BIRC6: variants seen among roughly 807,000 people sequenced by gnomAD.
BIRC6 encodes baculoviral IAP repeat containing 6.
A neutral mutation model predicts 503.3 loss-of-function variants in BIRC6; 98 were observed. The observed-to-expected ratio is 0.19, with a 90% CI of 0.17 to 0.23. The LOEUF (loss-of-function observed/expected upper bound fraction) is 0.23, where lower values mean the gene tolerates loss of function less well. Among genes scored for constraint, BIRC6 ranks in the 10% least tolerant of loss-of-function variants. The pLI, the probability that BIRC6 is intolerant of heterozygous loss-of-function variation, is 1.00. For synonymous variants in BIRC6, 2,240 were observed against 2,078.7 expected (o/e 1.08, Z -2.11); for missense variants, 5,360 against 5,806.0 (o/e 0.92, Z 2.50).
rs1292409065 is a variant in BIRC6 at position 32,543,317 on chromosome 2, A to G, written c.12368A>G (p.Glu4123Gly). Residue 4123 changes from glutamate to glycine, a missense_variant, in exon 62 of 74, where the codon GAA becomes GGA. Coordinates refer to ENST00000421745, the MANE Select transcript of BIRC6 (RefSeq NM_016252.4). ...DSDQFEWVTI[E>G]QSGELVYEAP... ...GATCAGTTTGAATGGGTGACCATTGAACAGTCAGGGGAGTTAGTTTATGAA... is the reference window on the plus strand; with the variant it reads ...GATCAGTTTGAATGGGTGACCATTGGACAGTCAGGGGAGTTAGTTTATGAA... 7.4e-6 allele frequency: 12 copies of G among 1,614,028 alleles called. No individual in the cohort carries two copies. Among genetic ancestry groups the G allele is most frequent in the Non-Finnish European group, 1.0e-5 (12 of 1,179,890 alleles).
chr2:32,402,378 T>C (rs1265822397), intron 8 of BIRC6, among the ~76,000 whole-genome samples: 1 of 152,222 alleles, frequency 6.6e-6, no homozygotes, highest in African/African-American at 2.4e-5. Context: ...GATGTCTTGA[T>C]AGACTGAGAA....
chr2:32,438,661 G>A lies in BIRC6; in HGVS notation c.3632-847G>A, dbSNP rs185967362. Among the ~76,000 whole-genome samples the A allele has an allele frequency of 7.4e-3, 1,102 of 149,812 alleles. 7 individuals carry two copies. The highest frequency in any genetic ancestry group is 0.014 in the Middle Eastern group (4 of 290). On this transcript the variant is annotated intron_variant, in intron 15 of 73. Transcript: ENST00000421745. Reference sequence around the variant, plus strand: ...GGCAAGCTCCGCCTCCTGGGTTCACGCCATTCTCCTGCCTCAGCCTCCTGA... The same window carrying A: ...GGCAAGCTCCGCCTCCTGGGTTCACACCATTCTCCTGCCTCAGCCTCCTGA...
chr2:32,545,406 C>CG (rs1349690685), intron 62 of BIRC6, among the ~76,000 whole-genome samples: 1 of 152,238 alleles, frequency 6.6e-6, no homozygotes, highest in East Asian at 1.9e-4. Flanking sequence ...TATGATCATA[C>CG]ATATGTTTCC....
intron 54 of BIRC6, among the ~76,000 whole-genome samples, chr2:32,513,589 C>T: frequency 6.6e-6 from 1 of 152,028 alleles, no homozygotes; most frequent in Non-Finnish European, 1.5e-5. Flanking sequence ...GCTTGGGCAA[C>T]ATGCAAAACG....
chr2:32,597,936 C>T lies in BIRC6; in HGVS notation c.13798C>T (p.Arg4600Cys), dbSNP rs773885941. Reference protein sequence around the residue: ...PLSSSSSVFVRCDEERLDIMK... With the variant: ...PLSSSSSVFVCCDEERLDIMK... ...GTCTTCATCCTCTAGTGTGTTTGTA[C>T]GCTGTGATGAGGAGCGACTTGATAT... Residue 4600 changes from arginine to cysteine, a missense_variant, in exon 69 of 74, where the codon CGC becomes TGC. Around this residue, in one of 16 missense-constraint regions of BIRC6, gnomAD observed 66 missense variants for 113.2 expected, o/e 0.58. Transcript: ENST00000421745. 3.4e-5 allele frequency: 55 copies of T among 1,612,932 alleles called. No homozygotes were observed. Among genetic ancestry groups the T allele is most frequent in the East Asian group, 1.3e-4 (6 of 44,874 alleles).
intron 16 of BIRC6, among the ~76,000 whole-genome samples, chr2:32,440,469 G>A (rs2045287620): frequency 6.6e-6 from 1 of 151,964 alleles, no homozygotes; most frequent in Non-Finnish European, 1.5e-5. Context: ...GACTTATCTT[G>A]GATTTCCTGG....
Position 32,468,920 on chromosome 2 carries a change from CTT to C in BIRC6, c.6127+139_6127+140del, listed in dbSNP as rs1382837928. 3.5e-5 allele frequency: 23 copies of C among 666,054 alleles called. No homozygotes were observed. In the East Asian group the frequency reaches 4.2e-4, roughly 12 times the overall value. The allele number at this position is 666,054 out of a possible 1,614,324, so 41.3% of individuals were successfully genotyped here. On this transcript the variant is annotated intron_variant, in intron 29 of 73. Coordinates refer to ENST00000421745, the MANE Select transcript of BIRC6 (RefSeq NM_016252.4). ...AAATGTCAGTATTTATGAAATGTCT[CTT>C]TAGGTTAATCTATTTCTCCCTGTTA...
intron 35 of BIRC6, 150 bp downstream of exon 35, chr2:32,477,733 T>TAAAAA: frequency 8.5e-6 from 1 of 118,178 alleles, no homozygotes; most frequent in South Asian, 5.5e-4. Context: ...ACCCCGTCTC[T>TAAAAA]ACAAAAAAAA....
chr2:32,379,154 A>G (rs2037258773), intron 2 of BIRC6: 1 of 152,198 alleles, frequency 6.6e-6, no homozygotes, highest in Non-Finnish European at 1.5e-5. Context: ...AGTTCCAAAA[A>G]CAGAGAAGCT....
intron 23 of BIRC6, among the ~76,000 whole-genome samples, chr2:32,461,042 CTTCTCTTCTCTTCTCTTCTCTTCTG>C (rs1485048269): frequency 1.3e-3 from 102 of 76,294 alleles, no homozygotes; most frequent in African/African-American, 1.4e-3. Flanking sequence ...CTTCTCTTCT[CTTCTCTTCTCTTCTCTTCTCTTCTG>C]TTCTCCTCTC....
chr2:32,529,635 A>T lies in BIRC6; in HGVS notation c.11921-16A>T, dbSNP rs774446196. 6.5e-7 allele frequency: 1 copy of T among 1,549,954 alleles called. No individual in the cohort carries two copies. The highest frequency in any genetic ancestry group is 1.2e-5 in the South Asian group (1 of 80,572). On this transcript the variant is annotated splice_polypyrimidine_tract_variant and intron_variant, in intron 59 of 73. Transcript: ENST00000421745. Reference sequence around the variant, plus strand: ...CTTTCTCGGTTTCCAGATTTAACTTAGTTATATCATTTTAGGCCAGCCATT... The same window carrying T: ...CTTTCTCGGTTTCCAGATTTAACTTTGTTATATCATTTTAGGCCAGCCATT...
At chr2:32,463,833 C>A (rs1233464880) in intron 24 of BIRC6, among the ~76,000 whole-genome samples, 1 of 152,182 alleles carries the variant, frequency 6.6e-6, no homozygotes, top group African/African-American at 2.4e-5. Flanking sequence ...CAATAAATAG[C>A]CTTTCAGGAA....
Position 32,524,907 on chromosome 2 carries a change from T to C in BIRC6, c.11643T>C (p.Ala3881=), listed in dbSNP as rs1387314601. The C allele has an allele frequency of 6.7e-7, 1 of 1,495,672 alleles. No individual in the cohort carries two copies. Among genetic ancestry groups the C allele is most frequent in the Admixed American group, 2.3e-5 (1 of 43,428 alleles). The allele number at this position is 1,495,672 out of a possible 1,614,324, so 92.7% of individuals were successfully genotyped here. ...DRVSDTPSIT[A]KLISEQKDDK... ...TTACAGATACTCCAAGTATCACAGC[T>C]AAATTAATTAGTGAACAAAAAGATG... Residue 3881 remains alanine, a synonymous_variant, in exon 58 of 74, where the codon GCT becomes GCC. Coordinates refer to ENST00000421745, the MANE Select transcript of BIRC6 (RefSeq NM_016252.4).
chr2:32,370,908 T>C (rs77230043), intron 1 of BIRC6, among the ~76,000 whole-genome samples: 1 of 152,318 alleles, frequency 6.6e-6, no homozygotes, highest in East Asian at 1.9e-4. Flanking sequence ...AAAGATAATG[T>C]ATTTCTTGTA....
Position 32,479,875 on chromosome 2 carries a change from CAT to C in BIRC6, c.7408+259_7408+260del, listed in dbSNP as rs555236019. 1.9e-4 allele frequency among the ~76,000 whole-genome samples: 29 copies of C among 152,176 alleles called. No homozygotes were observed. The East Asian group carries it at 2.5e-3, about 13-fold the overall frequency. Reference sequence around the variant, plus strand: ...GATGAAGAAAATGCAATGTAGAAAACATGTAAAAATACAAAGTGATGAAGACA... The same window carrying C: ...GATGAAGAAAATGCAATGTAGAAAACGTAAAAATACAAAGTGATGAAGACA... On this transcript the variant is annotated intron_variant, in intron 37 of 73. Transcript: ENST00000421745.
intron 48 of BIRC6, 56 bp from the exon 49 acceptor site, chr2:32,502,986 G>C: frequency 6.6e-7 from 1 of 1,515,484 alleles, no homozygotes; most frequent in Non-Finnish European, 8.9e-7. Context: ...GTTTACTTTT[G>C]ATGTTGAACC....
intron 60 of BIRC6, among the ~76,000 whole-genome samples, chr2:32,531,099 A>T (rs2056712740): frequency 6.6e-6 from 1 of 152,176 alleles, no homozygotes; most frequent in Non-Finnish European, 1.5e-5. Flanking sequence ...CTTCATTTCA[A>T]ACTAGCTTGC....
At chr2:32,362,973 G>A (rs1399049436) in intron 1 of BIRC6, among the ~76,000 whole-genome samples, 3 of 152,152 alleles carry the variant, frequency 2.0e-5, no homozygotes, top group Non-Finnish European at 2.9e-5. Context: ...AGTGTTTGCA[G>A]CAGTGTACTT....
At chr2:32,409,798 T>A (rs1420222933) in intron 9 of BIRC6, among the ~76,000 whole-genome samples, 1 of 152,214 alleles carries the variant, frequency 6.6e-6, no homozygotes, top group Non-Finnish European at 1.5e-5. Flanking sequence ...ATGCTGGTGC[T>A]TGTTTGTAGG....
Sources: allele counts gnomAD v4.1 joint callset (sites outside exome capture counted in the v4.1 genomes callset), GRCh38; gene constraint gnomAD v4.1.1; regional missense constraint gnomAD v4.1.1; transcripts MANE v1.5; gene names NCBI Gene and HGNC (gene_info 2026-07-23, HGNC 2026-07-21).